CSMD3: variants seen among roughly 807,000 people sequenced by gnomAD.
CSMD3 encodes CUB and sushi domain-containing protein 3.
In CSMD3, 177 loss-of-function variants were observed where a neutral mutation model predicts 435.2. The observed-to-expected ratio is 0.41, with a 90% CI of 0.36 to 0.46. The LOEUF (loss-of-function observed/expected upper bound fraction) is 0.46. Among genes scored for constraint, CSMD3 ranks in the 20% least tolerant of loss-of-function variants. The probability of loss-of-function intolerance (pLI) is 0.34; values close to 1 mark genes in which losing one functional copy is unlikely to be tolerated. For synonymous variants in CSMD3, 1,656 were observed against 1,520.5 expected (o/e 1.09, Z -2.07); for missense variants, 4,265 against 4,504.6 (o/e 0.95, Z 1.52).
intron 64 of CSMD3, among the ~76,000 whole-genome samples, chr8:112,244,818 GA>G (rs962106742): frequency 8.0e-5 from 12 of 149,886 alleles, no homozygotes; most frequent in Admixed American, 2.0e-4. Context: ...AATAAATTGA[GA>G]AAAAAAAAGA....
intron 6 of CSMD3, among the ~76,000 whole-genome samples, chr8:113,014,412 C>T (rs534536536): frequency 1.7e-4 from 26 of 152,064 alleles, no homozygotes; most frequent in South Asian, 6.2e-4. Context: ...ATATGCCTAC[C>T]GCTTGGTGGG....
intron 6 of CSMD3, among the ~76,000 whole-genome samples, chr8:112,996,958 C>T (rs867837723): frequency 7.9e-5 from 12 of 151,646 alleles, no homozygotes; most frequent in Middle Eastern, 3.4e-3. Flanking sequence ...AGATAAAATG[C>T]TGTCTTCTCA....
intron 27 of CSMD3, among the ~76,000 whole-genome samples, chr8:112,535,810 G>A (rs1826019546): frequency 1.3e-5 from 2 of 152,250 alleles, no homozygotes; most frequent in South Asian, 2.1e-4. Flanking sequence ...CATGGTACTG[G>A]TAACAAAACA....
At chr8:112,947,970 T>C in intron 8 of CSMD3, 93 bp from the exon 9 acceptor site, 2 of 660,418 alleles carry the variant, frequency 3.0e-6, no homozygotes, top group South Asian at 1.7e-5. Flanking sequence ...AAATGTATTA[T>C]TGTATTTTGT....
intron 13 of CSMD3, among the ~76,000 whole-genome samples, chr8:112,781,689 C>G (rs1308491649): frequency 6.6e-6 from 1 of 152,114 alleles, no homozygotes; most frequent in Non-Finnish European, 1.5e-5. Flanking sequence ...CACAGGAGTA[C>G]TTGTGTCATC....
chr8:112,671,688 G>C (rs549172985), intron 16 of CSMD3, among the ~76,000 whole-genome samples: 1 of 152,010 alleles, frequency 6.6e-6, no homozygotes. Flanking sequence ...ACTAGGTAGC[G>C]GCAGAGCTGA....
intron 1 of CSMD3, among the ~76,000 whole-genome samples, chr8:113,362,058 T>C (rs1233288040): frequency 2.0e-5 from 3 of 152,180 alleles, no homozygotes; most frequent in African/African-American, 7.2e-5. Context: ...TTTCTCTAAA[T>C]CATCTGGGAA....
intron 59 of CSMD3, among the ~76,000 whole-genome samples, chr8:112,270,517 G>C (rs902316158): frequency 1.3e-5 from 2 of 152,046 alleles, no homozygotes; most frequent in African/African-American, 4.8e-5. Context: ...GAATTCCAAA[G>C]TTACTTCACT....
intron 1 of CSMD3, among the ~76,000 whole-genome samples, chr8:113,346,178 T>C (rs1052638880): frequency 1.3e-5 from 2 of 152,046 alleles, no homozygotes; most frequent in African/African-American, 4.8e-5. Flanking sequence ...GGAGGACGTT[T>C]TCTTACTTTC....
intron 5 of CSMD3, among the ~76,000 whole-genome samples, chr8:113,076,181 G>C (rs1014894070): frequency 6.6e-6 from 1 of 150,926 alleles, no homozygotes; most frequent in Admixed American, 6.7e-5. Flanking sequence ...TAGAATTCAG[G>C]ATACTCTAAT....
At chr8:112,521,962 A>T (rs1305811394) in intron 27 of CSMD3, among the ~76,000 whole-genome samples, 1 of 151,826 alleles carries the variant, frequency 6.6e-6, no homozygotes, top group African/African-American at 2.4e-5. Flanking sequence ...AGAAGGTAAA[A>T]ATCGTTGACA....
intron 3 of CSMD3, among the ~76,000 whole-genome samples, chr8:113,229,103 A>C (rs113508289): frequency 1.3e-5 from 2 of 151,772 alleles, no homozygotes; most frequent in African/African-American, 4.8e-5. Context: ...GAATTATAAT[A>C]GAGAATCTAC....
intron 10 of CSMD3, among the ~76,000 whole-genome samples, chr8:112,908,325 C>T (rs1453300765): frequency 1.3e-5 from 2 of 151,532 alleles, no homozygotes; most frequent in African/African-American, 2.4e-5. Flanking sequence ...TATATTACAA[C>T]TTCAGTTTCC....
Position 112,685,713 on chromosome 8 carries a change from A to G in CSMD3, c.2175T>C (p.Phe725=), listed in dbSNP as rs781686313. 7 of 1,609,690 alleles carry G rather than the reference A, an allele frequency of 4.3e-6. No homozygotes were observed. The African/African-American group carries it at 8.0e-5, about 18-fold the overall frequency. The change falls in exon 15 of 71, where the codon TTT becomes TTC. Residue 725 remains phenylalanine, a synonymous_variant. Coordinates refer to ENST00000297405, the MANE Select transcript of CSMD3 (RefSeq NM_198123.2). ...PICIFPCLSN[F]TAPMGTVLSP... Reference sequence around the variant, plus strand: ...AAAGAACTGTTCCCATTGGTGCAGTAAAGTTAGACAGGCAGGGAACTGGTG... The same window carrying G: ...AAAGAACTGTTCCCATTGGTGCAGTGAAGTTAGACAGGCAGGGAACTGGTG...
intron 10 of CSMD3, among the ~76,000 whole-genome samples, chr8:112,860,647 C>T (rs77341840): frequency 0.014 from 2,138 of 151,840 alleles, 57 homozygotes; most frequent in African/African-American, 0.049. Flanking sequence ...CATTTTTCCA[C>T]ATATTTGATA....
rs148484435 is a variant in CSMD3 at position 112,559,464 on chromosome 8, C to G, written c.4043-2510G>C. Among the ~76,000 whole-genome samples the G allele has an allele frequency of 3.1e-3, 471 of 151,950 alleles. 1 individual carries two copies. The highest frequency in any genetic ancestry group is 4.9e-3 in the Non-Finnish European group (330 of 67,888). The stretch of plus-strand genomic sequence containing the variant: ...CCTTTGTCTATGAAGCCCCTGGCCA[C>G]TTCTGTAGAAGATTTTTTCATTAGG... On this transcript the variant is annotated intron_variant, in intron 24 of 70. Coordinates refer to ENST00000297405, the MANE Select transcript of CSMD3 (RefSeq NM_198123.2).
rs185235624 is a variant in CSMD3 at position 112,521,004 on chromosome 8, G to C, written c.4565-3779C>G. Among the ~76,000 whole-genome samples, 544 of 151,984 alleles carry C rather than the reference G, an allele frequency of 3.6e-3. 1 individual carries two copies. Among genetic ancestry groups the C allele is most frequent in the African/African-American group, 0.013 (520 of 41,518 alleles). On this transcript the variant is annotated intron_variant, in intron 27 of 70. Transcript: ENST00000297405. ...CTTGTTCTGTAAAAAGCCAACCCTA[G>C]TTCTTGTGTTGCTAGTATTAAACAC... is the stretch of plus-strand genomic sequence containing the variant.
At chr8:112,577,110 G>T (rs1456229173) in intron 23 of CSMD3, among the ~76,000 whole-genome samples, 1 of 151,954 alleles carries the variant, frequency 6.6e-6, no homozygotes, top group Non-Finnish European at 1.5e-5. Flanking sequence ...AATTTTGGAA[G>T]CATGCATAAA....
chr8:112,694,486 G>A (rs2076209485), intron 13 of CSMD3, among the ~76,000 whole-genome samples: 1 of 151,756 alleles, frequency 6.6e-6, no homozygotes. Context: ...TGTTGAGAGT[G>A]AGTGTTAATC....
Sources: gnomAD v4.1 joint callset for allele counts (sites outside exome capture counted in the v4.1 genomes callset) on GRCh38, gnomAD v4.1.1 for gene constraint, MANE v1.5 for transcripts, NCBI Gene and HGNC (gene_info 2026-07-23, HGNC 2026-07-21) for gene names.